PAAF1: variants seen among roughly 807,000 people sequenced by gnomAD.
The protein encoded by PAAF1 is proteasomal ATPase-associated factor 1.
In PAAF1, 46 loss-of-function variants were observed where a neutral mutation model predicts 52.8. The observed-to-expected ratio is 0.87, with a 90% CI of 0.69 to 1.11. The LOEUF is 1.11. PAAF1 is among the 50% of genes most tolerant of loss of function. The probability of loss-of-function intolerance (pLI) is 0.00; values close to 1 mark genes in which losing one functional copy is unlikely to be tolerated. For missense variants in PAAF1, 424 were observed against 477.4 expected (o/e 0.89, Z 1.04); for synonymous variants, 178 against 172.8 (o/e 1.03, Z -0.24).
rs1266960553 is a variant in PAAF1 at position 73,891,101 on chromosome 11, T to G, written c.193-11T>G. ...TTTACTGATGAATCTCATCTTTTCC[T>G]CTTTGTTTAGAAAAGCATTCATATT... On this transcript the variant is annotated splice_polypyrimidine_tract_variant and intron_variant, in intron 3 of 11. Transcript: ENST00000310571. 6.5e-7 allele frequency: 1 copy of G among 1,534,968 alleles called. No individual in the cohort carries two copies. The highest frequency in any genetic ancestry group is 1.7e-5 in the Admixed American group (1 of 58,240).
intron 1 of PAAF1, among the ~76,000 whole-genome samples, chr11:73,877,901 T>C (rs894147415): frequency 1.3e-5 from 2 of 152,138 alleles, no homozygotes; most frequent in African/African-American, 4.8e-5. Flanking sequence ...GAAGAAAAGC[T>C]GACGTCTTAA....
chr11:73,898,174 AGGGAGAGGGAGACCGTG>A (rs1949476930), intron 4 of PAAF1, among the ~76,000 whole-genome samples: 1 of 106,438 alleles, frequency 9.4e-6, no homozygotes, highest in Non-Finnish European at 1.8e-5. Context: ...GTGGAAAGAG[AGGGAGAGGGAGACCGTG>A]GGGAGAGGGA....
intron 10 of PAAF1, among the ~76,000 whole-genome samples, chr11:73,921,285 G>A (rs1168415425): frequency 6.9e-6 from 1 of 144,854 alleles, no homozygotes; most frequent in Non-Finnish European, 1.5e-5. Context: ...CAGCGACAGA[G>A]TGAGACTGCC....
chr11:73,876,971 C>T (rs753718658), upstream of PAAF1: 35 of 1,488,628 alleles, frequency 2.4e-5, no homozygotes, highest in South Asian at 2.8e-4. Flanking sequence ...TTCTCGGGGA[C>T]TCACTTCCGG....
chr11:73,899,416 T>C (rs1397244958), intron 5 of PAAF1, among the ~76,000 whole-genome samples, 172 bp downstream of exon 5: 1 of 144,188 alleles, frequency 6.9e-6, no homozygotes, highest in Non-Finnish European at 1.5e-5. Context: ...CTCTTTTTTT[T>C]TTTTTTTTTT....
intron 8 of PAAF1, 29 bp downstream of exon 8, chr11:73,914,533 T>TG: frequency 6.3e-7 from 1 of 1,590,872 alleles, no homozygotes; most frequent in East Asian, 2.2e-5. Flanking sequence ...ACCTTTGAAC[T>TG]CTGAGGCAAC....
At chr11:73,901,761 G>A (rs1949619366) in intron 6 of PAAF1, among the ~76,000 whole-genome samples, 1 of 151,916 alleles carries the variant, frequency 6.6e-6, no homozygotes, top group South Asian at 2.1e-4. Context: ...GTAGAGATGG[G>A]GTTTCACCAT....
At chr11:73,904,490 G>T (rs1195484512) in intron 6 of PAAF1, among the ~76,000 whole-genome samples, 2 of 151,978 alleles carry the variant, frequency 1.3e-5, no homozygotes, top group African/African-American at 4.8e-5. Context: ...TCTCATAATG[G>T]TAGTGGAAAT....
intron 3 of PAAF1, among the ~76,000 whole-genome samples, chr11:73,890,758 C>A (rs1949175676): frequency 2.0e-5 from 3 of 152,174 alleles, no homozygotes. Flanking sequence ...GATCCTGTTC[C>A]TTGCCCCACT....
chr11:73,909,716 TACG>T lies in PAAF1; in HGVS notation c.727+125_727+127del. On this transcript the variant is annotated intron_variant, in intron 7 of 11. Coordinates refer to ENST00000310571, the MANE Select transcript of PAAF1 (RefSeq NM_025155.3). ...GTGCCTGGTATTTCTGTTTTCACCA[TACG>T]ATTAATATTTACTCTGTACCTACTA... is the stretch of plus-strand genomic sequence containing the variant. The T allele has an allele frequency of 9.5e-6, 8 of 839,652 alleles. No homozygotes were observed. The South Asian group carries it at 1.4e-4, about 15-fold the overall frequency. The allele number at this position is 839,652 out of a possible 1,614,324, so 52.0% of individuals were successfully genotyped here. A position where few individuals can be genotyped will look rare whatever the true frequency, so the allele number is the denominator to read the frequency against.
At chr11:73,926,036 C>T (rs1450300847) in intron 11 of PAAF1, among the ~76,000 whole-genome samples, 1 of 151,998 alleles carries the variant, frequency 6.6e-6, no homozygotes, top group Non-Finnish European at 1.5e-5. Context: ...ATATATTGCC[C>T]TGTGACTTTT....
At chr11:73,889,389 T>A in intron 3 of PAAF1, 1 of 501,262 alleles carries the variant, frequency 2.0e-6, no homozygotes, top group Non-Finnish European at 3.2e-6. Context: ...AATGTTTGAC[T>A]TAGAATTTTA....
chr11:73,897,396 C>G (rs1185575940), intron 4 of PAAF1, among the ~76,000 whole-genome samples: 1 of 150,444 alleles, frequency 6.6e-6, no homozygotes, highest in African/African-American at 2.5e-5. Flanking sequence ...GACGGGGTGG[C>G]TGCTGGGCGG....
intron 9 of PAAF1, among the ~76,000 whole-genome samples, chr11:73,918,097 G>A (rs993864841): frequency 6.6e-6 from 1 of 152,160 alleles, no homozygotes; most frequent in African/African-American, 2.4e-5. Flanking sequence ...AGTAAAGAAG[G>A]AGGAAAAGAG....
At chr11:73,889,043 C>T in intron 3 of PAAF1, 1 of 636,054 alleles carries the variant, frequency 1.6e-6, no homozygotes, top group Non-Finnish European at 2.8e-6. Flanking sequence ...TAATCAAAGA[C>T]AGACTGTATG....
At chr11:73,885,223 C>CT (rs928595115) in intron 2 of PAAF1, among the ~76,000 whole-genome samples, 113 of 151,964 alleles carry the variant, frequency 7.4e-4, no homozygotes, top group African/African-American at 2.7e-3. Flanking sequence ...ACTGCAACCT[C>CT]TGCTTGCCAG....
chr11:73,921,001 T>C (rs1482159989), intron 10 of PAAF1, among the ~76,000 whole-genome samples: 1 of 152,056 alleles, frequency 6.6e-6, no homozygotes, highest in African/African-American at 2.4e-5. Context: ...GCCATTTTAC[T>C]GATTATTAAC....
At chr11:73,904,297 T>C (rs893568988) in intron 6 of PAAF1, among the ~76,000 whole-genome samples, 1 of 152,112 alleles carries the variant, frequency 6.6e-6, no homozygotes, top group African/African-American at 2.4e-5. Context: ...AATTCTAAAA[T>C]GCACTTTAAT....
rs373753555 is a variant in PAAF1, at chr11:73,922,202, GC to G, written c.1019-2410del. On this transcript the variant is annotated intron_variant, in intron 10 of 11. Coordinates refer to ENST00000310571, the MANE Select transcript of PAAF1 (RefSeq NM_025155.3). ...AGTGGTAAGCTGGCATCTTGGTGGC[GC>G]CCGGGTTTCAACCCAGAGGAGCAGA... The G allele has an allele frequency of 8.1e-4, 668 of 824,392 alleles. 8 individuals are homozygous for G. In the East Asian group the frequency reaches 0.022, roughly 27 times the overall value. The allele number at this position is 824,392 out of a possible 1,614,324, so 51.1% of individuals were successfully genotyped here.
Sources: allele counts gnomAD v4.1 joint callset (sites outside exome capture counted in the v4.1 genomes callset), GRCh38; gene constraint gnomAD v4.1.1; transcripts MANE v1.5; gene names NCBI Gene and HGNC (gene_info 2026-07-23, HGNC 2026-07-21).